CTNNA3: variants seen among roughly 807,000 people sequenced by gnomAD.
The protein encoded by CTNNA3 is catenin alpha 3.
A neutral mutation model predicts 95.7 loss-of-function variants in CTNNA3; 76 were observed. That is an observed-to-expected ratio of 0.79 (90% CI 0.66 to 0.96). The LOEUF (loss-of-function observed/expected upper bound fraction) is 0.96, where lower values mean the gene tolerates loss of function less well. CTNNA3 is among the 40% of genes least tolerant of loss of function. The pLI is 0.00. For missense variants in CTNNA3, 1,191 were observed against 1,089.8 expected, an observed-to-expected ratio of 1.09 and a Z score of -1.31; for synonymous variants, 431 against 374.4, an observed-to-expected ratio of 1.15 and a Z score of -1.74.
intron 5 of CTNNA3, among the ~76,000 whole-genome samples, chr10:67,316,819 T>C (rs1841071369): frequency 6.6e-6 from 1 of 152,224 alleles, no homozygotes; most frequent in Admixed American, 6.5e-5. Flanking sequence ...AAATATAAAG[T>C]ATTTTTTAAA....
intron 11 of CTNNA3, among the ~76,000 whole-genome samples, chr10:66,517,758 C>A (rs1219044055): frequency 6.6e-6 from 1 of 152,046 alleles, no homozygotes; most frequent in Non-Finnish European, 1.5e-5. Context: ...TTTTCTTGCA[C>A]AAGATCCAAG....
At chr10:66,613,361 C>G (rs769207331) in intron 10 of CTNNA3, among the ~76,000 whole-genome samples, 3 of 152,006 alleles carry the variant, frequency 2.0e-5, no homozygotes, top group Non-Finnish European at 4.4e-5. Flanking sequence ...TAAATCCCCA[C>G]TCCCTGCCCC....
chr10:67,748,190 C>G (rs1387888651), intron 1 of CTNNA3, among the ~76,000 whole-genome samples: 3 of 152,150 alleles, frequency 2.0e-5, no homozygotes, highest in Non-Finnish European at 2.9e-5. Context: ...TTCAGGGTAT[C>G]ATCCAGGAGA....
At position 67,503,288 on chromosome 10, in the gene CTNNA3, T is replaced by C. The variant is rs144874881; in HGVS notation, c.579+18554A>G. Among the ~76,000 whole-genome samples the C allele has an allele frequency of 7.0e-3, 1,063 of 152,298 alleles. 16 individuals carry two copies. The highest frequency in any genetic ancestry group is 0.024 in the African/African-American group (1,017 of 41,560). On this transcript the variant is annotated intron_variant, in intron 5 of 17. Transcript: ENST00000433211. ...CCACCCTGCTTTGGCTCACCCTCTGTGGGCTGCACTCACTGTCTAACCAGT... is the reference window on the plus strand; with the variant it reads ...CCACCCTGCTTTGGCTCACCCTCTGCGGGCTGCACTCACTGTCTAACCAGT...
intron 9 of CTNNA3, among the ~76,000 whole-genome samples, chr10:66,744,035 G>C (rs1160106448): frequency 1.3e-5 from 2 of 149,998 alleles, no homozygotes; most frequent in African/African-American, 4.9e-5. Context: ...AGCAGAAAGA[G>C]GGAAGAATGA....
chr10:67,456,253 T>C (rs182891513), intron 5 of CTNNA3, among the ~76,000 whole-genome samples: 1 of 152,310 alleles, frequency 6.6e-6, no homozygotes, highest in East Asian at 1.9e-4. Flanking sequence ...CTTATCTCAA[T>C]TCTTACCATG....
chr10:67,366,039 A>G (rs1427789790), intron 5 of CTNNA3, among the ~76,000 whole-genome samples: 1 of 149,848 alleles, frequency 6.7e-6, no homozygotes, highest in Non-Finnish European at 1.5e-5. Context: ...TGGAATACTA[A>G]GTTCATGTCC....
At chr10:66,341,724 A>G (rs1483362739) in intron 12 of CTNNA3, among the ~76,000 whole-genome samples, 1 of 151,872 alleles carries the variant, frequency 6.6e-6, no homozygotes, top group African/African-American at 2.4e-5. Context: ...ACCTTTTCAT[A>G]TTGGTTTTCG....
intron 10 of CTNNA3, among the ~76,000 whole-genome samples, chr10:66,618,568 A>G (rs1260209795): frequency 6.6e-6 from 1 of 152,192 alleles, no homozygotes; most frequent in African/African-American, 2.4e-5. Flanking sequence ...TTCAAGAAGG[A>G]TTAAAGACTT....
chr10:67,593,022 A>T lies in CTNNA3; in HGVS notation c.292+13835T>A, dbSNP rs532065181. ...GTCTATTATTCCCTTCTTTGTGTCC[A>T]TATGTACCCAATGTTTAGCTCCCAA... is the stretch of plus-strand genomic sequence containing the variant. On this transcript the variant is annotated intron_variant, in intron 3 of 17. Coordinates refer to ENST00000433211, the MANE Select transcript of CTNNA3 (RefSeq NM_013266.4). 2.0e-5 allele frequency among the ~76,000 whole-genome samples: 3 copies of T among 152,182 alleles called. No individual in the cohort carries two copies. The East Asian group carries it at 5.8e-4, about 29-fold the overall frequency.
chr10:67,090,858 T>G (rs1360178335), intron 7 of CTNNA3, among the ~76,000 whole-genome samples: 2 of 152,038 alleles, frequency 1.3e-5, no homozygotes, highest in Non-Finnish European at 2.9e-5. Flanking sequence ...AGGCCGTCCC[T>G]GACACTTTGC....
intron 11 of CTNNA3, among the ~76,000 whole-genome samples, chr10:66,384,909 A>G (rs959898611): frequency 6.6e-6 from 1 of 152,238 alleles, no homozygotes; most frequent in Non-Finnish European, 1.5e-5. Flanking sequence ...CAAAGACACA[A>G]CATACCAGAA....
intron 13 of CTNNA3, among the ~76,000 whole-genome samples, chr10:66,135,659 G>C (rs892322432): frequency 6.6e-6 from 1 of 152,128 alleles, no homozygotes; most frequent in Non-Finnish European, 1.5e-5. Flanking sequence ...ATGTTACTAT[G>C]ATCTCTAAGT....
chr10:65,968,596 C>T (rs2078027005), intron 16 of CTNNA3, among the ~76,000 whole-genome samples: 1 of 152,098 alleles, frequency 6.6e-6, no homozygotes, highest in Admixed American at 6.5e-5. Context: ...GCCCTCTCCA[C>T]TCCACGCTTG....
intron 17 of CTNNA3, among the ~76,000 whole-genome samples, chr10:65,958,308 G>T (rs1026037817): frequency 6.6e-6 from 1 of 151,916 alleles, no homozygotes; most frequent in African/African-American, 2.4e-5. Flanking sequence ...AAGGTTTTTA[G>T]CTTCTTTGCA....
chr10:67,591,805 G>T (rs1842795246), intron 3 of CTNNA3, among the ~76,000 whole-genome samples: 1 of 152,014 alleles, frequency 6.6e-6, no homozygotes, highest in African/African-American at 2.4e-5. Flanking sequence ...ATAAATGAAA[G>T]ACATCAAACC....
chr10:67,108,713 C>T (rs1194413467), intron 7 of CTNNA3, among the ~76,000 whole-genome samples: 1 of 152,114 alleles, frequency 6.6e-6, no homozygotes, highest in Non-Finnish European at 1.5e-5. Flanking sequence ...TCTACAGGCT[C>T]CACATCCAGA....
chr10:66,936,554 G>GT (rs989822853), intron 7 of CTNNA3, among the ~76,000 whole-genome samples: 2 of 152,050 alleles, frequency 1.3e-5, no homozygotes, highest in African/African-American at 4.8e-5. Context: ...TGCCTTGCCT[G>GT]TTTTTCTAGA....
chr10:67,483,930 C>A (rs1227649939), intron 5 of CTNNA3, among the ~76,000 whole-genome samples: 1 of 151,984 alleles, frequency 6.6e-6, no homozygotes, highest in Non-Finnish European at 1.5e-5. Flanking sequence ...CAACAATATT[C>A]CTATCAAACT....
Sources: allele counts gnomAD v4.1 joint callset (sites outside exome capture counted in the v4.1 genomes callset), GRCh38; gene constraint gnomAD v4.1.1; transcripts MANE v1.5; gene names NCBI Gene and HGNC (gene_info 2026-07-23, HGNC 2026-07-21).